Variants in PRDM2 observed in about 807,000 individuals in gnomAD.
PRDM2 encodes PR domain zinc finger protein 2.
PRDM2 carries 30 observed loss-of-function variants against 130.0 expected under a neutral mutation model. The observed-to-expected ratio is 0.23, with a 90% CI of 0.17 to 0.31. The LOEUF (loss-of-function observed/expected upper bound fraction) is 0.31, where lower values mean the gene tolerates loss of function less well. Among genes scored for constraint, PRDM2 ranks in the 10% least tolerant of loss-of-function variants. PRDM2 has a pLI of 1.00. For missense variants in PRDM2, 2,011 were observed against 2,108.4 expected, an observed-to-expected ratio of 0.95 and a Z score of 0.90; for synonymous variants, 871 against 782.4, an observed-to-expected ratio of 1.11 and a Z score of -1.89.
At position 13,741,998 on chromosome 1, in the gene PRDM2, T is replaced by C; in HGVS notation, c.232-7T>C. 1 of 1,528,296 alleles carries C rather than the reference T, an allele frequency of 6.5e-7. No individual in the cohort carries two copies. Among genetic ancestry groups the C allele is most frequent in the Non-Finnish European group, 9.0e-7 (1 of 1,110,696 alleles). 94.7% of individuals were successfully genotyped at this position (1,528,296 alleles called of 1,614,324 possible). Reference sequence around the variant, plus strand: ...ACAAAAGTTTTTTACTTTTCTCCATTTTCAAGGTGTATTACCCAAATTTGG... The same window carrying C: ...ACAAAAGTTTTTTACTTTTCTCCATCTTCAAGGTGTATTACCCAAATTTGG... On this transcript the variant is annotated splice_polypyrimidine_tract_variant and splice_region_variant and intron_variant, in intron 4 of 9. Transcript: ENST00000311066.
At chr1:13,717,403 C>A in intron 2 of PRDM2, 1 of 985,338 alleles carries the variant, frequency 1.0e-6, no homozygotes, top group Non-Finnish European at 1.2e-6. Context: ...TTGGAGGAGT[C>A]TTGATCCTGC....
At chr1:13,712,094 C>T (rs888097119) in intron 1 of PRDM2, among the ~76,000 whole-genome samples, 16 of 149,304 alleles carry the variant, frequency 1.1e-4, no homozygotes, top group South Asian at 6.4e-4. Context: ...CATGGTGGCG[C>T]GAGCCTGTAG....
chr1:13,783,820 C>G (rs1410705465), intron 8 of PRDM2, among the ~76,000 whole-genome samples: 1 of 152,138 alleles, frequency 6.6e-6, no homozygotes, highest in Non-Finnish European at 1.5e-5. Context: ...TGTCTTTTCA[C>G]AGGATGCCAC....
intron 4 of PRDM2, chr1:13,739,023 A>G (rs1043446893): frequency 6.6e-6 from 1 of 151,640 alleles, no homozygotes; most frequent in African/African-American, 2.4e-5. Context: ...TTTTTTACCA[A>G]ATTGAGATTA....
intron 8 of PRDM2, among the ~76,000 whole-genome samples, chr1:13,793,987 G>C (rs879273934): frequency 1.3e-5 from 2 of 152,178 alleles, no homozygotes; most frequent in Non-Finnish European, 2.9e-5. Context: ...TCTGAGACCA[G>C]GGCCCCTCAT....
intron 8 of PRDM2, among the ~76,000 whole-genome samples, chr1:13,799,086 C>T (rs1167589332): frequency 3.3e-5 from 5 of 152,202 alleles, no homozygotes; most frequent in African/African-American, 7.2e-5. Context: ...ACACAGAGGT[C>T]TCCGCCACTT....
At chr1:13,736,909 A>T (rs1297405193) in intron 4 of PRDM2, among the ~76,000 whole-genome samples, 1 of 152,246 alleles carries the variant, frequency 6.6e-6, no homozygotes, top group African/African-American at 2.4e-5. Context: ...GTAGAATTGC[A>T]TGTCAGTTAA....
At chr1:13,713,454 C>T (rs1642433512) in intron 1 of PRDM2, among the ~76,000 whole-genome samples, 1 of 152,158 alleles carries the variant, frequency 6.6e-6, no homozygotes, top group African/African-American at 2.4e-5. Context: ...TGAAGGGGAC[C>T]TGAGCTGGTT....
chr1:13,780,394 G>C lies in PRDM2; in HGVS notation c.2599G>C (p.Glu867Gln). The C allele has an allele frequency of 6.2e-7, 1 of 1,614,214 alleles. No homozygotes were observed. The highest frequency in any genetic ancestry group is 8.5e-7 in the Non-Finnish European group (1 of 1,180,040). Residue 867 changes from glutamate (E) to glutamine (Q), a missense_variant, in exon 8 of 10, where the codon GAA (glutamate) becomes CAA (glutamine). Physicochemically the swap from Glu to Gln is conservative, Grantham distance 29. Coordinates refer to ENST00000311066, the MANE Select transcript of PRDM2 (RefSeq NM_001393986.1). ...TGACTCTGAAGGCAAGGAATTCAAA[G>C]AAAGTCATTCAGTGCAGCCTACGTG... ...CSDSEGKEFKESHSVQPTCSA... is the reference protein window; with the variant it reads ...CSDSEGKEFKQSHSVQPTCSA...
intron 8 of PRDM2, among the ~76,000 whole-genome samples, chr1:13,800,830 G>C (rs531908369): frequency 1.2e-3 from 183 of 152,284 alleles, no homozygotes; most frequent in Non-Finnish European, 2.5e-3. Context: ...AGCCTCTCTG[G>C]ATTGAACTCC....
chr1:13,815,083 C>G (rs761865550), intron 8 of PRDM2, among the ~76,000 whole-genome samples: 5 of 152,146 alleles, frequency 3.3e-5, no homozygotes, highest in Non-Finnish European at 7.3e-5. Flanking sequence ...ATGTATCACT[C>G]TTACTCAGTG....
chr1:13,816,302 C>T lies in PRDM2; in HGVS notation c.5037-125C>T, dbSNP rs753580902. 5.6e-6 allele frequency: 7 copies of T among 1,258,718 alleles called. No homozygotes were observed. In the Admixed American group the frequency reaches 6.4e-5, roughly 12 times the overall value. 78.0% of individuals were successfully genotyped at this position (1,258,718 alleles called of 1,614,324 possible). The stretch of plus-strand genomic sequence containing the variant: ...TGCCAGGCACCTGGCCTCAAGGTGT[C>T]CAGGAAGTGCAATCCTATCCTGGCC... On this transcript the variant is annotated intron_variant, in intron 8 of 9. Transcript: ENST00000311066.
chr1:13,754,257 C>T (rs1179765037), intron 6 of PRDM2, among the ~76,000 whole-genome samples: 1 of 152,140 alleles, frequency 6.6e-6, no homozygotes, highest in East Asian at 1.9e-4. Flanking sequence ...CCAGGCGCTG[C>T]ACCAAGTGGC....
rs190240240 is a variant in PRDM2 at position 13,755,690 on chromosome 1, T to G, written c.511+6203T>G. Among the ~76,000 whole-genome samples, 41 of 152,264 alleles carry G rather than the reference T, an allele frequency of 2.7e-4. No homozygotes were observed. The East Asian group carries it at 7.7e-3, about 29-fold the overall frequency. On this transcript the variant is annotated intron_variant, in intron 6 of 9. Coordinates refer to ENST00000311066, the MANE Select transcript of PRDM2 (RefSeq NM_001393986.1). ...TCAGTGTTTTTTTTTCCCTAGACAA[T>G]TTCATGTTCCAGTTTACAGATAGCT... is the stretch of plus-strand genomic sequence containing the variant.
At position 13,773,144 on chromosome 1, in the gene PRDM2, G is replaced by T; in HGVS notation, c.578G>T (p.Ser193Ile). ...NKIQDIQLKT[S>I]EPDFTSANMR... The stretch of plus-strand genomic sequence containing the variant: ...ATCCAAGACATACAACTGAAGACAA[G>T]TGAGCCAGATTTCACCTCTGCAAAT... The change falls in exon 7 of 10, where the codon AGT becomes ATT. Residue 193 changes from serine to isoleucine, a missense_variant. This residue lies in a region of PRDM2 where 1,288 missense variants were observed against 1,237.7 expected (regional missense o/e 1.04). Transcript: ENST00000311066. 1 of 1,577,784 alleles carries T rather than the reference G, an allele frequency of 6.3e-7. No homozygotes were observed. The highest frequency in any genetic ancestry group is 8.6e-7 in the Non-Finnish European group (1 of 1,166,250).
At chr1:13,818,240 C>T (rs1442773650) in intron 9 of PRDM2, among the ~76,000 whole-genome samples, 2 of 152,238 alleles carry the variant, frequency 1.3e-5, no homozygotes, top group South Asian at 2.1e-4. Context: ...CAACCAGAGT[C>T]GTTTGGAATG....
At chr1:13,788,213 C>G in intron 8 of PRDM2, 1 of 664,978 alleles carries the variant, frequency 1.5e-6, no homozygotes, top group African/African-American at 2.0e-5. Flanking sequence ...GGCGTCTGTT[C>G]ACTTGTTTCT....
intron 1 of PRDM2, among the ~76,000 whole-genome samples, chr1:13,708,050 A>C (rs1642260518): frequency 6.6e-6 from 1 of 152,206 alleles, no homozygotes; most frequent in Non-Finnish European, 1.5e-5. Flanking sequence ...GAGAGCATAT[A>C]TTAATAGCTG....
chr1:13,779,692 A>C lies in PRDM2; in HGVS notation c.1897A>C (p.Asn633His). The C allele has an allele frequency of 1.2e-6, 2 of 1,614,028 alleles. No individual in the cohort carries two copies. The highest frequency in any genetic ancestry group is 1.3e-5 in the African/African-American group (1 of 75,010). Residue 633 changes from asparagine (N) to histidine (H), a missense_variant, in exon 8 of 10, where the codon AAT becomes CAT. Coordinates refer to ENST00000311066, the MANE Select transcript of PRDM2 (RefSeq NM_001393986.1). This position sits in a 1 kb window ranked among gnomAD's most constrained non-coding sequence, Gnocchi z 4.9. The stretch of plus-strand genomic sequence containing the variant: ...TCCTAAAGAGCCTTTGGGCAGCACA[A>C]ATAGTGAGGCCAAGAAGCGGAGAAC... ...DLPKEPLGST[N>H]SEAKKRRTAS...
Sources: allele counts gnomAD v4.1 joint callset (sites outside exome capture counted in the v4.1 genomes callset), GRCh38; gene constraint gnomAD v4.1.1; regional missense constraint gnomAD v4.1.1; non-coding constraint Gnocchi (gnomAD v3.1); transcripts MANE v1.5; gene names NCBI Gene and HGNC (gene_info 2026-07-23, HGNC 2026-07-21).